The following CTNNBIP1 variants were observed in gnomAD, a reference collection of about 807,000 sequenced individuals.
CTNNBIP1 encodes beta-catenin-interacting protein 1.
CTNNBIP1 carries 7 observed loss-of-function variants against 11.8 expected under a neutral mutation model. That is an observed-to-expected ratio of 0.60 (90% CI 0.34 to 1.12). The LOEUF (loss-of-function observed/expected upper bound fraction) is 1.12. Ranked by LOEUF, CTNNBIP1 falls within the 50% of genes most tolerant of loss-of-function variation. The pLI is 0.03. For synonymous variants in CTNNBIP1, 58 were observed against 43.9 expected (o/e 1.32, Z -1.26); for missense variants, 101 against 113.4 (o/e 0.89, Z 0.50).
chr1:9,850,708 G>A lies in CTNNBIP1; in HGVS notation c.*10C>T, dbSNP rs987808290. On this transcript the variant is annotated 3_prime_UTR_variant, in exon 6 of 6. Transcript: ENST00000377263. ...TCAACAGCATCCAGGGTGTTCCAAGGGCTTTGCAGCTACTGCCTCCGGTCT... is the reference window on the plus strand; with the variant it reads ...TCAACAGCATCCAGGGTGTTCCAAGAGCTTTGCAGCTACTGCCTCCGGTCT... 1 of 1,613,602 alleles carries A rather than the reference G, an allele frequency of 6.2e-7. No homozygotes were observed. Among genetic ancestry groups the A allele is most frequent in the Admixed American group, 1.7e-5 (1 of 60,006 alleles).
chr1:9,856,562 G>C (rs1164514867), intron 5 of CTNNBIP1, among the ~76,000 whole-genome samples: 1 of 150,330 alleles, frequency 6.7e-6, no homozygotes, highest in Non-Finnish European at 1.5e-5. Context: ...GCCCAGGCTG[G>C]AGTGCAGTGG....
At chr1:9,893,534 G>C (rs1446229709) in intron 1 of CTNNBIP1, among the ~76,000 whole-genome samples, 1 of 152,026 alleles carries the variant, frequency 6.6e-6, no homozygotes. Flanking sequence ...TGAAACCCAG[G>C]AGTCTTTACA....
chr1:9,900,814 G>A (rs536255723), intron 1 of CTNNBIP1, among the ~76,000 whole-genome samples: 76 of 152,260 alleles, frequency 5.0e-4, no homozygotes, highest in African/African-American at 1.4e-3. Flanking sequence ...TCCAGCGATC[G>A]GCCAGAGGAA....
chr1:9,857,987 C>T (rs999161419), intron 5 of CTNNBIP1, among the ~76,000 whole-genome samples: 1 of 152,176 alleles, frequency 6.6e-6, no homozygotes, highest in African/African-American at 2.4e-5. Context: ...CAGTCTTTCC[C>T]ATCTCAGCTG....
intron 5 of CTNNBIP1, among the ~76,000 whole-genome samples, chr1:9,860,135 C>T (rs538278965): frequency 6.6e-6 from 1 of 152,258 alleles, no homozygotes; most frequent in South Asian, 2.1e-4. Context: ...ACAAGTCCTT[C>T]CTCCAAAATT....
chr1:9,869,350 G>C (rs546332459), intron 5 of CTNNBIP1, among the ~76,000 whole-genome samples: 1 of 151,908 alleles, frequency 6.6e-6, no homozygotes, highest in African/African-American at 2.4e-5. Flanking sequence ...GTGTGTATGT[G>C]TGTTGTTGCT....
chr1:9,858,715 T>A (rs983167523), intron 5 of CTNNBIP1, among the ~76,000 whole-genome samples: 1 of 152,204 alleles, frequency 6.6e-6, no homozygotes, highest in African/African-American at 2.4e-5. Flanking sequence ...GTACATCTCA[T>A]GTCATCAGGG....
chr1:9,901,403 A>G (rs918390690), intron 1 of CTNNBIP1, among the ~76,000 whole-genome samples: 11 of 152,092 alleles, frequency 7.2e-5, no homozygotes, highest in Non-Finnish European at 1.5e-4. Flanking sequence ...TGGGGCCCAT[A>G]TTATGTGAGG....
intron 5 of CTNNBIP1, among the ~76,000 whole-genome samples, chr1:9,864,942 G>A (rs1276128741): frequency 1.3e-5 from 2 of 152,194 alleles, no homozygotes; most frequent in Non-Finnish European, 2.9e-5. Context: ...AAAAGCATGT[G>A]GCTGGGCTGG....
At chr1:9,896,812 C>T (rs1639416820) in intron 1 of CTNNBIP1, among the ~76,000 whole-genome samples, 1 of 152,068 alleles carries the variant, frequency 6.6e-6, no homozygotes, top group Non-Finnish European at 1.5e-5. Flanking sequence ...ACTAAAAATA[C>T]AGAAATTAGC....
At chr1:9,902,340 C>T (rs1315170324) in intron 1 of CTNNBIP1, among the ~76,000 whole-genome samples, 1 of 152,122 alleles carries the variant, frequency 6.6e-6, no homozygotes, top group African/African-American at 2.4e-5. Context: ...AATCCACAGC[C>T]CCAAGCAAAA....
At chr1:9,858,500 G>A (rs973234745) in intron 5 of CTNNBIP1, among the ~76,000 whole-genome samples, 22 of 152,172 alleles carry the variant, frequency 1.4e-4, no homozygotes, top group Non-Finnish European at 2.5e-4. Flanking sequence ...TTACACCCCA[G>A]GGCCTTTGCA....
chr1:9,902,842 T>C (rs1005618018), intron 1 of CTNNBIP1, among the ~76,000 whole-genome samples: 1 of 152,104 alleles, frequency 6.6e-6, no homozygotes, highest in Non-Finnish European at 1.5e-5. Context: ...CTCAGCTCAC[T>C]GCAACCTCCG....
At chr1:9,860,771 AG>A (rs1638610113) in intron 5 of CTNNBIP1, among the ~76,000 whole-genome samples, 1 of 152,156 alleles carries the variant, frequency 6.6e-6, no homozygotes, top group South Asian at 2.1e-4. Context: ...AGAACTTCCC[AG>A]GACGGTGTCA....
At chr1:9,900,684 T>A (rs1461460648) in intron 1 of CTNNBIP1, among the ~76,000 whole-genome samples, 2 of 152,150 alleles carry the variant, frequency 1.3e-5, no homozygotes, top group Admixed American at 6.5e-5. Context: ...CTCCCTTACA[T>A]CCCACCACAA....
intron 3 of CTNNBIP1, among the ~76,000 whole-genome samples, chr1:9,876,838 C>T (rs996535164): frequency 8.4e-6 from 1 of 119,442 alleles, no homozygotes; most frequent in Non-Finnish European, 1.7e-5. Flanking sequence ...CACACTCCTG[C>T]TATACATACA....
rs868098400 is a variant in CTNNBIP1, at chr1:9,861,978, G to A, written c.187+9209C>T. On this transcript the variant is annotated intron_variant, in intron 5 of 5. Transcript: ENST00000377263. ...CCACAGGGTCGCACCTTGGGGCTCC[G>A]TTATCCCTGCTCTGTTCTAATCCCA... Among the ~76,000 whole-genome samples, 16 of 152,300 alleles carry A rather than the reference G, an allele frequency of 1.1e-4. No individual in the cohort carries two copies. The Middle Eastern group carries it at 0.01, about 97-fold the overall frequency.
chr1:9,891,562 G>A (rs957694982), intron 1 of CTNNBIP1, among the ~76,000 whole-genome samples: 8 of 152,090 alleles, frequency 5.3e-5, no homozygotes, highest in East Asian at 1.9e-4. Context: ...CTCACCACCC[G>A]GCTCTGGGGA....
chr1:9,891,232 A>T (rs995491923), intron 1 of CTNNBIP1, among the ~76,000 whole-genome samples: 2 of 152,032 alleles, frequency 1.3e-5, no homozygotes, highest in Non-Finnish European at 2.9e-5. Context: ...TGTTCACGCC[A>T]CCCCATTCCC....
Sources: allele counts gnomAD v4.1 joint callset (sites outside exome capture counted in the v4.1 genomes callset), GRCh38; gene constraint gnomAD v4.1.1; transcripts MANE v1.5; gene names NCBI Gene and HGNC (gene_info 2026-07-23, HGNC 2026-07-21).